Variants in SH3GL2 observed in about 807,000 individuals in gnomAD.
SH3GL2 encodes the protein endophilin-A1.
In SH3GL2, 24 loss-of-function variants were observed where a neutral mutation model predicts 46.0. The ratio of observed to expected loss-of-function variants is 0.52; its 90% CI spans 0.38 to 0.73. The LOEUF (loss-of-function observed/expected upper bound fraction) is 0.73, where lower values mean the gene tolerates loss of function less well. Ranked by LOEUF, SH3GL2 falls within the 30% of genes least tolerant of loss-of-function variation. SH3GL2 has a pLI of 0.00. For synonymous variants in SH3GL2, 196 were observed against 147.1 expected (o/e 1.33, Z -2.40); for missense variants, 413 against 424.2 (o/e 0.97, Z 0.23).
intron 1 of SH3GL2, among the ~76,000 whole-genome samples, chr9:17,640,449 T>G (rs944160688): frequency 6.6e-6 from 1 of 152,012 alleles, no homozygotes; most frequent in Non-Finnish European, 1.5e-5. Flanking sequence ...TGGACAGGTT[T>G]ATGGGACACA....
At chr9:17,645,268 C>T (rs1299522905) in intron 1 of SH3GL2, among the ~76,000 whole-genome samples, 1 of 144,264 alleles carries the variant, frequency 6.9e-6, no homozygotes, top group Non-Finnish European at 1.5e-5. Context: ...CTCCTGAATA[C>T]AACACACTGA....
At chr9:17,768,488 C>A (rs1823382924) in intron 3 of SH3GL2, among the ~76,000 whole-genome samples, 1 of 151,862 alleles carries the variant, frequency 6.6e-6, no homozygotes, top group Non-Finnish European at 1.5e-5. Flanking sequence ...CGTGAATAGT[C>A]CCTAAATACT....
chr9:17,591,768 T>C (rs1818485496), intron 1 of SH3GL2, among the ~76,000 whole-genome samples: 1 of 152,200 alleles, frequency 6.6e-6, no homozygotes, highest in South Asian at 2.1e-4. Flanking sequence ...ATTGCTAAGC[T>C]CATAGTGTCC....
At chr9:17,610,837 T>A (rs1818848901) in intron 1 of SH3GL2, among the ~76,000 whole-genome samples, 1 of 152,172 alleles carries the variant, frequency 6.6e-6, no homozygotes, top group African/African-American at 2.4e-5. Context: ...ATGAGAGTTG[T>A]CTTATGTTAT....
chr9:17,700,850 T>A (rs564423376), intron 1 of SH3GL2, among the ~76,000 whole-genome samples: 1 of 152,334 alleles, frequency 6.6e-6, no homozygotes, highest in Non-Finnish European at 1.5e-5. Flanking sequence ...GCTTTTTGTG[T>A]TATTTTAATG....
At chr9:17,785,899 T>C (rs1052250134) in intron 3 of SH3GL2, among the ~76,000 whole-genome samples, 1 of 152,176 alleles carries the variant, frequency 6.6e-6, no homozygotes, top group African/African-American at 2.4e-5. Context: ...ATGGTATAAG[T>C]GAAACAAGGC....
intron 1 of SH3GL2, among the ~76,000 whole-genome samples, chr9:17,720,145 C>T (rs1821858543): frequency 6.6e-6 from 1 of 151,928 alleles, no homozygotes; most frequent in South Asian, 2.1e-4. Flanking sequence ...TAGCAACATC[C>T]CCTCTCCCAA....
At chr9:17,771,279 C>T (rs935241300) in intron 3 of SH3GL2, among the ~76,000 whole-genome samples, 2 of 152,142 alleles carry the variant, frequency 1.3e-5, no homozygotes, top group Admixed American at 6.5e-5. Flanking sequence ...TAGGTCAGTC[C>T]AGTTCCACCA....
At chr9:17,598,813 C>G (rs1818618694) in intron 1 of SH3GL2, among the ~76,000 whole-genome samples, 1 of 152,128 alleles carries the variant, frequency 6.6e-6, no homozygotes, top group South Asian at 2.1e-4. Flanking sequence ...ACCATTATGC[C>G]CATTTTACTG....
At chr9:17,689,702 A>T (rs747525641) in intron 1 of SH3GL2, among the ~76,000 whole-genome samples, 2 of 151,868 alleles carry the variant, frequency 1.3e-5, no homozygotes, top group African/African-American at 4.8e-5. Context: ...CTGAATCTTC[A>T]TGTATATCGT....
At chr9:17,654,208 C>T (rs578179333) in intron 1 of SH3GL2, among the ~76,000 whole-genome samples, 1 of 152,276 alleles carries the variant, frequency 6.6e-6, no homozygotes, top group East Asian at 1.9e-4. Flanking sequence ...TTTCTCTCCA[C>T]TGACCACTCC....
At chr9:17,650,347 A>G (rs1819924474) in intron 1 of SH3GL2, among the ~76,000 whole-genome samples, 1 of 152,070 alleles carries the variant, frequency 6.6e-6, no homozygotes, top group Non-Finnish European at 1.5e-5. Flanking sequence ...AGATTATTTG[A>G]GGTGATATCC....
Position 17,791,320 on chromosome 9 carries a change from CA to C in SH3GL2, c.715del (p.Arg239AspfsTer6). On this transcript the variant is annotated frameshift_variant, in exon 7 of 9. Coordinates refer to ENST00000380607, the MANE Select transcript of SH3GL2 (RefSeq NM_003026.5). LOFTEE classifies it high-confidence loss of function. ...TCCAGATCCTGCAGCAAGTCACGGT[CA>C]GACTGGAAGAAAGGTATTCTACAGT... ...AVQILQQVTV[R>X]LEERIRQASS... 1 of 1,609,288 alleles carries C rather than the reference CA, an allele frequency of 6.2e-7. No individual in the cohort carries two copies. Among genetic ancestry groups the C allele is most frequent in the Non-Finnish European group, 8.5e-7 (1 of 1,175,642 alleles).
At chr9:17,689,573 C>T (rs916491633) in intron 1 of SH3GL2, among the ~76,000 whole-genome samples, 1 of 152,154 alleles carries the variant, frequency 6.6e-6, no homozygotes, top group East Asian at 1.9e-4. Flanking sequence ...GCCCTTTCAT[C>T]TCTCTTTAAT....
chr9:17,753,174 T>G (rs1822896887), intron 2 of SH3GL2, among the ~76,000 whole-genome samples: 1 of 152,190 alleles, frequency 6.6e-6, no homozygotes, highest in Admixed American at 6.5e-5. Flanking sequence ...AACACATGTG[T>G]GCATGTGTCT....
intron 1 of SH3GL2, chr9:17,589,587 C>T (rs1323748047): frequency 6.6e-6 from 1 of 152,172 alleles, no homozygotes; most frequent in African/African-American, 2.4e-5. Context: ...AATTCTTAGT[C>T]TCTGACAGTG....
chr9:17,709,103 A>G (rs2118256354), intron 1 of SH3GL2, among the ~76,000 whole-genome samples: 1 of 152,154 alleles, frequency 6.6e-6, no homozygotes, highest in South Asian at 2.1e-4. Context: ...TAATGTGGGT[A>G]AAATGTTTAG....
intron 3 of SH3GL2, among the ~76,000 whole-genome samples, chr9:17,764,358 G>A (rs1280554502): frequency 6.6e-6 from 1 of 152,220 alleles, no homozygotes; most frequent in Non-Finnish European, 1.5e-5. Context: ...ATAGAGCCCA[G>A]ACCAGGTAAC....
Position 17,780,482 on chromosome 9 carries a change from A to ATTT in SH3GL2, c.188-5891_188-5889dup, listed in dbSNP as rs59714232. On this transcript the variant is annotated intron_variant, in intron 3 of 8. Coordinates refer to ENST00000380607, the MANE Select transcript of SH3GL2 (RefSeq NM_003026.5). ...TTGAATAGCACAGTTTTTTTTTTTA[A>ATTT]TTTTTTTTTTATTATACTCTAAGTT... Among the ~76,000 whole-genome samples, 81 of 147,946 alleles carry ATTT rather than the reference A, an allele frequency of 5.5e-4. 2 individuals are homozygous for ATTT. Among genetic ancestry groups the ATTT allele is most frequent in the African/African-American group, 2.0e-3 (78 of 39,916 alleles).
Sources: gnomAD v4.1 joint callset for allele counts (sites outside exome capture counted in the v4.1 genomes callset) on GRCh38, gnomAD v4.1.1 for gene constraint, MANE v1.5 for transcripts, NCBI Gene and HGNC (gene_info 2026-07-23, HGNC 2026-07-21) for gene names.